Variants in TDRD9 observed in about 807,000 individuals in gnomAD.
The protein encoded by TDRD9 is tudor domain containing 9.
Under a neutral mutation model 172.6 loss-of-function variants are expected in TDRD9, and 124 were observed. That is an observed-to-expected ratio of 0.72 (90% CI 0.62 to 0.83). TDRD9 has a LOEUF of 0.83. TDRD9 is among the 40% of genes least tolerant of loss of function. TDRD9 has a pLI of 0.00. For missense variants in TDRD9, 1,479 were observed against 1,714.1 expected, an observed-to-expected ratio of 0.86 and a Z score of 2.42; for synonymous variants, 619 against 617.1, an observed-to-expected ratio of 1.00 and a Z score of -0.05.
At chr14:104,004,167 T>C in intron 13 of TDRD9, 71 bp from the exon 14 acceptor site, 1 of 714,698 alleles carries the variant, frequency 1.4e-6, no homozygotes, top group Non-Finnish European at 2.4e-6. Flanking sequence ...AATGACTGTT[T>C]AAAAAGATAC....
At chr14:104,006,315 G>T in intron 15 of TDRD9, 74 bp from the exon 16 acceptor site, 1 of 1,261,660 alleles carries the variant, frequency 7.9e-7, no homozygotes, top group South Asian at 1.4e-5. Flanking sequence ...TTCCTGTTTT[G>T]GACTCTCCAC....
intron 1 of TDRD9, among the ~76,000 whole-genome samples, chr14:103,938,440 A>ATTTTTT (rs71126087): frequency 1.2e-3 from 52 of 44,516 alleles, no homozygotes; most frequent in Admixed American, 2.4e-3. Context: ...ATATATATAT[A>ATTTTTT]TTTTTTTTTT....
At chr14:103,983,094 T>C (rs2033542181) in intron 7 of TDRD9, among the ~76,000 whole-genome samples, 1 of 141,786 alleles carries the variant, frequency 7.1e-6, no homozygotes, top group South Asian at 2.4e-4. Context: ...GACAGAGCCT[T>C]GTTCTGTCAT....
intron 2 of TDRD9, among the ~76,000 whole-genome samples, chr14:103,959,692 A>C (rs559687877): frequency 1.3e-5 from 2 of 152,190 alleles, no homozygotes; most frequent in Non-Finnish European, 2.9e-5. Context: ...ATAAGTATTA[A>C]AAATTATTTC....
At chr14:103,932,030 C>T (rs1390841431) in intron 1 of TDRD9, among the ~76,000 whole-genome samples, 1 of 152,104 alleles carries the variant, frequency 6.6e-6, no homozygotes, top group Admixed American at 6.5e-5. Context: ...ATTGCAAGGG[C>T]CTGGTTTTGG....
chr14:104,052,015 G>A lies in TDRD9; in HGVS notation c.4082G>A (p.Arg1361His), dbSNP rs142470189. ...DPKLVMEQADRESSRGKNTFL... is the reference protein window; with the variant it reads ...DPKLVMEQADHESSRGKNTFL... ...AAGCTGGTCATGGAGCAGGCCGACC[G>A]TGAGAGCAGCAGAGGGAAGAACACC... Residue 1361 changes from arginine (R) to histidine (H), a missense_variant, in exon 36 of 36, where the codon CGT (arginine) becomes CAT (histidine). Arg to His is a conservative substitution (Grantham distance 29). Coordinates refer to ENST00000409874, the MANE Select transcript of TDRD9 (RefSeq NM_153046.3). The A allele has an allele frequency of 9.9e-5, 158 of 1,596,836 alleles. No individual in the cohort carries two copies. The highest frequency in any genetic ancestry group is 1.7e-4 in the Middle Eastern group (1 of 6,044).
intron 13 of TDRD9, among the ~76,000 whole-genome samples, chr14:104,003,520 T>C (rs901012880): frequency 1.3e-5 from 2 of 152,344 alleles, no homozygotes; most frequent in Middle Eastern, 3.4e-3. Context: ...TAGATCCCCA[T>C]AGGTGGGGAA....
intron 7 of TDRD9, among the ~76,000 whole-genome samples, chr14:103,976,238 G>A (rs1239679211): frequency 1.3e-5 from 2 of 151,200 alleles, no homozygotes; most frequent in Admixed American, 6.6e-5. Flanking sequence ...TTAATTGTGT[G>A]TATATACTAT....
At position 103,997,213 on chromosome 14, in the gene TDRD9, A is replaced by G. The variant is rs1391139338; in HGVS notation, c.1378+1406A>G. ...GACTAGAATGAGGCAAAGGAGAGAA[A>G]AGGAAGAGACTTAGGAGGGTGTCAC... On this transcript the variant is annotated intron_variant, in intron 12 of 35. Coordinates refer to ENST00000409874, the MANE Select transcript of TDRD9 (RefSeq NM_153046.3). This position sits in a 1 kb window ranked among gnomAD's most constrained non-coding sequence, Gnocchi z 5.1. Among the ~76,000 whole-genome samples the G allele has an allele frequency of 6.6e-6, 1 of 152,232 alleles. No individual in the cohort carries two copies. The highest frequency in any genetic ancestry group is 1.5e-5 in the Non-Finnish European group (1 of 68,034).
rs564062474 is a variant in TDRD9, at chr14:103,992,652, G to A, written c.1180+1428G>A. On this transcript the variant is annotated intron_variant, in intron 9 of 35. Transcript: ENST00000409874. ...AAGAACACCTAACACGGACGGGCGT[G>A]GGGGCTCATGCCTGGAATCCCAGCA... 2.1e-4 allele frequency among the ~76,000 whole-genome samples: 32 copies of A among 152,228 alleles called. No individual in the cohort carries two copies. The South Asian group carries it at 6.6e-3, about 32-fold the overall frequency.
chr14:104,040,019 T>C (rs371738738), intron 32 of TDRD9, among the ~76,000 whole-genome samples, 177 bp from the exon 33 acceptor site: 5 of 150,358 alleles, frequency 3.3e-5, no homozygotes, highest in Middle Eastern at 3.2e-3. Context: ...TTCTTATAAC[T>C]ATATTTTATA....
At position 103,970,631 on chromosome 14, in the gene TDRD9, A is replaced by T. The variant is rs1194349196; in HGVS notation, c.846+10A>T. 1.4e-5 allele frequency: 22 copies of T among 1,525,504 alleles called. No homozygotes were observed. Among genetic ancestry groups the T allele is most frequent in the Non-Finnish European group, 1.8e-5 (20 of 1,123,330 alleles). The allele number at this position is 1,525,504 out of a possible 1,614,324, so 94.5% of individuals were successfully genotyped here. Reference sequence around the variant, plus strand: ...TTCACGTTTTGTGAAGGTAAATTTGATTTCATGAGTAACAGACATATTTAG... The same window carrying T: ...TTCACGTTTTGTGAAGGTAAATTTGTTTTCATGAGTAACAGACATATTTAG... On this transcript the variant is annotated intron_variant, in intron 6 of 35. Transcript: ENST00000409874.
intron 7 of TDRD9, among the ~76,000 whole-genome samples, chr14:103,981,961 T>C (rs1164372972): frequency 6.6e-6 from 1 of 151,472 alleles, no homozygotes; most frequent in Non-Finnish European, 1.5e-5. Context: ...ATTTCAGTTG[T>C]GTTACTGTCA....
intron 31 of TDRD9, 43 bp downstream of exon 31, chr14:104,034,112 T>C (rs1327177136): frequency 2.3e-6 from 3 of 1,318,728 alleles, no homozygotes; most frequent in Non-Finnish European, 3.2e-6. Flanking sequence ...CTCTTTTTTC[T>C]TTTCCTTGAC....
intron 34 of TDRD9, among the ~76,000 whole-genome samples, chr14:104,042,677 G>C (rs1450719825): frequency 6.6e-6 from 1 of 152,196 alleles, no homozygotes; most frequent in East Asian, 1.9e-4. Flanking sequence ...GCCCAAGGCA[G>C]CTTGAGGGCC....
intron 23 of TDRD9, among the ~76,000 whole-genome samples, chr14:104,018,750 G>C (rs2034867200): frequency 6.6e-6 from 1 of 152,108 alleles, no homozygotes; most frequent in African/African-American, 2.4e-5. Flanking sequence ...GCCTAAAGTA[G>C]GATTTTTAAT....
intron 25 of TDRD9, among the ~76,000 whole-genome samples, chr14:104,025,008 G>A (rs1267725307): frequency 6.6e-6 from 1 of 152,204 alleles, no homozygotes; most frequent in East Asian, 1.9e-4. Flanking sequence ...TTGAAACAAA[G>A]TCTTGCTGTG....
chr14:103,979,083 G>C lies in TDRD9; in HGVS notation c.1011+3530G>C, dbSNP rs560665376. Among the ~76,000 whole-genome samples, 4 of 152,126 alleles carry C rather than the reference G, an allele frequency of 2.6e-5. No homozygotes were observed. In the South Asian group the frequency reaches 8.3e-4, roughly 32 times the overall value. On this transcript the variant is annotated intron_variant, in intron 7 of 35. Transcript: ENST00000409874. ...CCCTTCCCAGCCTCTAGTATCTTCT[G>C]CTCTACTCTTTACTTCTATTAAACT... is the stretch of plus-strand genomic sequence containing the variant.
intron 24 of TDRD9, 113 bp from the exon 25 acceptor site, chr14:104,024,456 A>G: frequency 1.7e-6 from 1 of 576,258 alleles, no homozygotes; most frequent in Non-Finnish European, 3.0e-6. Flanking sequence ...TTTTATTGAA[A>G]TGTTCTTTTC....
Sources: gnomAD v4.1 joint callset for allele counts (sites outside exome capture counted in the v4.1 genomes callset) on GRCh38, gnomAD v4.1.1 for gene constraint, Gnocchi (gnomAD v3.1) non-coding constraint, MANE v1.5 for transcripts, NCBI Gene and HGNC (gene_info 2026-07-23, HGNC 2026-07-21) for gene names.